The following AGBL1 variants were observed in gnomAD, a reference collection of about 807,000 sequenced individuals.
AGBL1 encodes the protein AGBL carboxypeptidase 1.
Under a neutral mutation model 118.9 loss-of-function variants are expected in AGBL1, and 130 were observed. The ratio of observed to expected loss-of-function variants is 1.09; its 90% CI spans 0.95 to 1.26. The LOEUF is 1.26. Ranked by LOEUF, AGBL1 falls within the 50% of genes most tolerant of loss-of-function variation. The probability of loss-of-function intolerance (pLI) is 0.00; values close to 1 mark genes in which losing one functional copy is unlikely to be tolerated. For synonymous variants in AGBL1, 555 were observed against 478.9 expected (o/e 1.16, Z -2.08); for missense variants, 1,584 against 1,298.1 (o/e 1.22, Z -3.38).
chr15:86,498,734 A>G (rs2082883363), intron 18 of AGBL1, among the ~76,000 whole-genome samples: 1 of 151,964 alleles, frequency 6.6e-6, no homozygotes, highest in Admixed American at 6.6e-5. Flanking sequence ...AATAATCATC[A>G]TCAATTTAGG....
At chr15:86,310,993 C>A (rs941538022) in intron 17 of AGBL1, among the ~76,000 whole-genome samples, 1 of 152,150 alleles carries the variant, frequency 6.6e-6, no homozygotes, top group Non-Finnish European at 1.5e-5. Flanking sequence ...CTACTGGATG[C>A]CCTGCCGTGG....
At chr15:86,093,615 TA>T (rs907442522) in intron 1 of AGBL1, among the ~76,000 whole-genome samples, 1 of 152,098 alleles carries the variant, frequency 6.6e-6, no homozygotes, top group African/African-American at 2.4e-5. Flanking sequence ...GTTCTTGAAC[TA>T]AAAAATAAAA....
intron 1 of AGBL1, among the ~76,000 whole-genome samples, chr15:86,135,565 G>T (rs1444570933): frequency 1.3e-5 from 2 of 152,258 alleles, no homozygotes; most frequent in East Asian, 3.9e-4. Flanking sequence ...GAATGACAAG[G>T]CTCTGTCAGA....
At chr15:86,109,681 T>C (rs1897248271) in intron 1 of AGBL1, 1 of 152,264 alleles carries the variant, frequency 6.6e-6, no homozygotes, top group South Asian at 2.1e-4. Context: ...TCTATCAAAC[T>C]TCTTTTAAGA....
At chr15:86,785,290 G>A (rs1451666317) in intron 22 of AGBL1, among the ~76,000 whole-genome samples, 1 of 151,684 alleles carries the variant, frequency 6.6e-6, no homozygotes. Flanking sequence ...AAATCTGGCT[G>A]ACCGTCGGAA....
chr15:86,305,779 G>C (rs941377618), intron 17 of AGBL1, among the ~76,000 whole-genome samples: 1 of 152,012 alleles, frequency 6.6e-6, no homozygotes, highest in Non-Finnish European at 1.5e-5. Flanking sequence ...TTGAAATTTA[G>C]GTAAAAAGTA....
chr15:86,585,945 C>T (rs8042696), intron 21 of AGBL1, among the ~76,000 whole-genome samples: 31,134 of 152,138 alleles, frequency 0.2, 3,397 homozygotes, highest in East Asian at 0.28. Flanking sequence ...TTAAGAATAC[C>T]TAGCCATGCT....
chr15:86,998,305 T>C (rs867170936), intron 24 of AGBL1, among the ~76,000 whole-genome samples: 1 of 152,194 alleles, frequency 6.6e-6, no homozygotes, highest in African/African-American at 2.4e-5. Flanking sequence ...TTCATGGCTT[T>C]AGTAAGGCAA....
chr15:86,630,714 A>G (rs933137718), intron 21 of AGBL1: 2 of 152,270 alleles, frequency 1.3e-5, no homozygotes, highest in Non-Finnish European at 2.9e-5. Flanking sequence ...AGCTCTGCTC[A>G]GATAGCTCGA....
intron 18 of AGBL1, among the ~76,000 whole-genome samples, chr15:86,518,118 C>T (rs141443620): frequency 8.9e-4 from 135 of 152,180 alleles, no homozygotes; most frequent in African/African-American, 2.9e-3. Context: ...CAGTCATGGA[C>T]GGATGGGAGA....
chr15:86,672,514 C>T (rs551209909), intron 21 of AGBL1, among the ~76,000 whole-genome samples: 4 of 152,234 alleles, frequency 2.6e-5, no homozygotes, highest in African/African-American at 4.8e-5. Context: ...CTCCTGCCCC[C>T]GAGGGCCAGA....
intron 1 of AGBL1, among the ~76,000 whole-genome samples, chr15:86,133,484 T>A (rs905694294): frequency 3.9e-5 from 6 of 152,158 alleles, no homozygotes; most frequent in African/African-American, 1.4e-4. Context: ...GCACAATACA[T>A]CCCTCCCCAA....
chr15:86,875,961 G>C (rs752089459), intron 22 of AGBL1, among the ~76,000 whole-genome samples: 3 of 152,106 alleles, frequency 2.0e-5, no homozygotes, highest in Non-Finnish European at 4.4e-5. Flanking sequence ...GGTAAAGAAG[G>C]AAACAAAGTG....
chr15:86,715,954 G>GGAGGCT (rs2086631522), intron 22 of AGBL1, among the ~76,000 whole-genome samples: 1 of 151,720 alleles, frequency 6.6e-6, no homozygotes, highest in African/African-American at 2.4e-5. Flanking sequence ...CAGCTACTTG[G>GGAGGCT]GAGGCTGAGG....
chr15:86,500,192 G>C (rs563191044), intron 18 of AGBL1, among the ~76,000 whole-genome samples: 1 of 151,824 alleles, frequency 6.6e-6, no homozygotes, highest in African/African-American at 2.4e-5. Context: ...TGAGGCTGGC[G>C]GTTGGAGTCA....
intron 1 of AGBL1, among the ~76,000 whole-genome samples, chr15:86,100,525 T>C (rs998365098): frequency 1.3e-5 from 2 of 152,094 alleles, no homozygotes; most frequent in African/African-American, 2.4e-5. Context: ...TTATTATTAC[T>C]GATTTAATCT....
chr15:86,647,327 A>G (rs984965712), intron 21 of AGBL1, among the ~76,000 whole-genome samples: 2 of 152,218 alleles, frequency 1.3e-5, no homozygotes, highest in African/African-American at 2.4e-5. Context: ...TATTTACTAT[A>G]TGCTAGCTAT....
At chr15:86,162,755 A>C (rs2077284935) in intron 5 of AGBL1, among the ~76,000 whole-genome samples, 1 of 152,098 alleles carries the variant, frequency 6.6e-6, no homozygotes, top group Non-Finnish European at 1.5e-5. Context: ...CCCTTTCCAG[A>C]GTGGTTTCTC....
chr15:86,221,206 T>A (rs1190191328), intron 5 of AGBL1, among the ~76,000 whole-genome samples: 15 of 151,282 alleles, frequency 9.9e-5, no homozygotes, highest in African/African-American at 2.2e-4. Flanking sequence ...CAAAAAAAAA[T>A]AAAAAATAAA....
Sources: gnomAD v4.1 joint callset for allele counts (sites outside exome capture counted in the v4.1 genomes callset) on GRCh38, gnomAD v4.1.1 for gene constraint, MANE v1.5 for transcripts, NCBI Gene and HGNC (gene_info 2026-07-23, HGNC 2026-07-21) for gene names.